Variants in SLC9A2 observed in about 807,000 individuals in gnomAD.
SLC9A2 encodes sodium/hydrogen exchanger 2.
In SLC9A2, 42 loss-of-function variants were observed where a neutral mutation model predicts 71.7. The observed-to-expected ratio is 0.59, with a 90% CI of 0.46 to 0.76. The LOEUF (loss-of-function observed/expected upper bound fraction) is 0.76, where lower values mean the gene tolerates loss of function less well. Ranked by LOEUF, SLC9A2 falls within the 30% of genes least tolerant of loss-of-function variation. SLC9A2 has a pLI of 0.00. For synonymous variants in SLC9A2, 396 were observed against 392.5 expected (o/e 1.01, Z -0.10); for missense variants, 829 against 1,017.4 (o/e 0.81, Z 2.52).
intron 7 of SLC9A2, among the ~76,000 whole-genome samples, chr2:102,696,106 G>C (rs1025270072): frequency 1.3e-5 from 2 of 152,008 alleles, no homozygotes; most frequent in African/African-American, 2.4e-5. Context: ...GCCCCCACTT[G>C]CTAGTGGGAG....
chr2:102,672,770 A>T (rs1166268926), intron 3 of SLC9A2, among the ~76,000 whole-genome samples: 1 of 152,156 alleles, frequency 6.6e-6, no homozygotes, highest in East Asian at 1.9e-4. Context: ...TTTAAAACAG[A>T]TTCCCTGGGT....
rs191479787 is a variant in SLC9A2, at chr2:102,623,236, G to A, written c.289+3099G>A. Among the ~76,000 whole-genome samples, 194 of 152,252 alleles carry A rather than the reference G, an allele frequency of 1.3e-3. 2 individuals carry two copies. The highest frequency in any genetic ancestry group is 0.013 in the Admixed American group (193 of 15,290). ...TTACCTTTCCTTTCTGCATCTGAGT[G>A]TCACAGAGATGATAATTTCCATGCA... On this transcript the variant is annotated intron_variant, in intron 1 of 11. Coordinates refer to ENST00000233969, the MANE Select transcript of SLC9A2 (RefSeq NM_003048.6).
At chr2:102,622,761 A>T (rs1337678768) in intron 1 of SLC9A2, among the ~76,000 whole-genome samples, 2 of 152,230 alleles carry the variant, frequency 1.3e-5, no homozygotes, top group Non-Finnish European at 2.9e-5. Context: ...TACTATCATC[A>T]TTAGTAGCAG....
chr2:102,669,986 T>C (rs980166042), intron 3 of SLC9A2, among the ~76,000 whole-genome samples: 1 of 152,102 alleles, frequency 6.6e-6, no homozygotes, highest in Non-Finnish European at 1.5e-5. Flanking sequence ...AACTCCTCCT[T>C]CACATAGGAG....
intron 2 of SLC9A2, among the ~76,000 whole-genome samples, chr2:102,662,579 C>A (rs547236880): frequency 1.3e-5 from 2 of 152,178 alleles, no homozygotes; most frequent in East Asian, 3.9e-4. Flanking sequence ...AGGAGGGCTC[C>A]TGGGGGCAAC....
chr2:102,708,012 C>G, intron 11 of SLC9A2, 107 bp from the exon 12 acceptor site: 1 of 1,242,600 alleles, frequency 8.0e-7, no homozygotes, highest in Non-Finnish European at 1.1e-6. Flanking sequence ...TCCCCTCTCC[C>G]CAGAGCCCCA....
intron 1 of SLC9A2, 64 bp from the exon 2 acceptor site, chr2:102,657,500 C>T: frequency 8.8e-7 from 1 of 1,137,642 alleles, no homozygotes; most frequent in Non-Finnish European, 1.2e-6. Flanking sequence ...CAAAGGGAAC[C>T]AATTTCCTGT....
At chr2:102,678,508 G>T (rs1401874603) in intron 3 of SLC9A2, among the ~76,000 whole-genome samples, 2 of 152,046 alleles carry the variant, frequency 1.3e-5, no homozygotes. Flanking sequence ...ATCTATTTAG[G>T]TTATTATTTT....
intron 5 of SLC9A2, among the ~76,000 whole-genome samples, chr2:102,690,262 A>C (rs1297521042): frequency 6.6e-6 from 1 of 152,212 alleles, no homozygotes; most frequent in Non-Finnish European, 1.5e-5. Context: ...ATACAGCTGC[A>C]AGGTCAGAAA....
intron 1 of SLC9A2, among the ~76,000 whole-genome samples, chr2:102,657,277 T>A (rs1179670399): frequency 2.0e-5 from 3 of 151,932 alleles, no homozygotes; most frequent in East Asian, 3.9e-4. Flanking sequence ...CTGAAGAAAA[T>A]CTCAACGGGG....
intron 2 of SLC9A2, among the ~76,000 whole-genome samples, chr2:102,658,789 C>A (rs949459098): frequency 6.6e-6 from 1 of 152,034 alleles, no homozygotes. Flanking sequence ...GATGAGAAAG[C>A]CTCTCCTTTT....
intron 1 of SLC9A2, among the ~76,000 whole-genome samples, chr2:102,626,846 A>C (rs756722183): frequency 6.6e-6 from 1 of 152,246 alleles, no homozygotes; most frequent in Non-Finnish European, 1.5e-5. Context: ...TGGCCATCAG[A>C]GAAATAATAG....
intron 3 of SLC9A2, among the ~76,000 whole-genome samples, chr2:102,676,653 C>T (rs1183429243): frequency 6.6e-6 from 1 of 152,190 alleles, no homozygotes. Context: ...CTCTGTTTCT[C>T]TTGGTTGTCA....
rs1676098846 is a variant in SLC9A2 at position 102,619,804 on chromosome 2, C to G, written c.-45C>G. On this transcript the variant is annotated 5_prime_UTR_variant, in exon 1 of 12. Transcript: ENST00000233969. This position sits in a 1 kb window ranked among gnomAD's most constrained non-coding sequence, Gnocchi z 4.3. ...GCCCGGGCGCGATGCGTTGAGCGCT[C>G]GGAGGGCCAACCGCCGGTCCCCTTG... 4 of 1,447,082 alleles carry G rather than the reference C, an allele frequency of 2.8e-6. No individual in the cohort carries two copies. The highest frequency in any genetic ancestry group is 1.5e-5 in the South Asian group (1 of 68,526). 89.6% of individuals were successfully genotyped at this position (1,447,082 alleles called of 1,614,324 possible). A position where few individuals can be genotyped will look rare whatever the true frequency, so the allele number is the denominator to read the frequency against.
At chr2:102,677,993 TCCCTGAATTAC>T (rs66893509) in intron 3 of SLC9A2, among the ~76,000 whole-genome samples, 52,055 of 151,926 alleles carry the variant, frequency 0.34, 9,242 homozygotes, top group East Asian at 0.52. Flanking sequence ...CTGCTGCTTT[TCCCTGAATTAC>T]TCACTTCCTC....
chr2:102,688,875 AT>A, intron 5 of SLC9A2, among the ~76,000 whole-genome samples: 1 of 152,366 alleles, frequency 6.6e-6, no homozygotes, highest in South Asian at 2.1e-4. Flanking sequence ...AAAGGGGCAG[AT>A]CTCAAGAATT....
At chr2:102,654,273 A>G (rs1676893524) in intron 1 of SLC9A2, among the ~76,000 whole-genome samples, 1 of 145,136 alleles carries the variant, frequency 6.9e-6, no homozygotes, top group South Asian at 2.2e-4. Context: ...GTGCACATAG[A>G]AGCAAGAGTC....
At position 102,711,100 on chromosome 2, in the gene SLC9A2, G is replaced by A. The variant is rs935210910; in HGVS notation, c.*2611G>A. 2.0e-5 allele frequency: 3 copies of A among 152,378 alleles called. No homozygotes were observed. The highest frequency in any genetic ancestry group is 6.5e-5 in the Admixed American group (1 of 15,278). The allele number at this position is 152,378 out of a possible 1,614,324, so 9.4% of individuals were successfully genotyped here. A position where few individuals can be genotyped will look rare whatever the true frequency, so the allele number is the denominator to read the frequency against. On this transcript the variant is annotated 3_prime_UTR_variant, in exon 12 of 12. Coordinates refer to ENST00000233969, the MANE Select transcript of SLC9A2 (RefSeq NM_003048.6). ...TCTTTCAGCTTTTGCTCAGCTTTAT[G>A]GTGGGGTGTACTGTTTTATCTGGGC...
At position 102,708,637 on chromosome 2, in the gene SLC9A2, G is replaced by A; in HGVS notation, c.*148G>A. The stretch of plus-strand genomic sequence containing the variant: ...CGACAGATTCATGCCACGGATAAAT[G>A]AGGCAAATCCGAAGAAAAGGAAAAT... On this transcript the variant is annotated 3_prime_UTR_variant, in exon 12 of 12. Transcript: ENST00000233969. The A allele has an allele frequency of 3.3e-6, 3 of 908,180 alleles. No individual in the cohort carries two copies. Among genetic ancestry groups the A allele is most frequent in the Non-Finnish European group, 4.9e-6 (3 of 612,702 alleles). The allele number at this position is 908,180 out of a possible 1,614,324, so 56.3% of individuals were successfully genotyped here. A position where few individuals can be genotyped will look rare whatever the true frequency, so the allele number is the denominator to read the frequency against.
Sources: gnomAD v4.1 joint callset for allele counts (sites outside exome capture counted in the v4.1 genomes callset) on GRCh38, gnomAD v4.1.1 for gene constraint, Gnocchi (gnomAD v3.1) non-coding constraint, MANE v1.5 for transcripts, NCBI Gene and HGNC (gene_info 2026-07-23, HGNC 2026-07-21) for gene names.